The following ROCK1 variants were observed in gnomAD, a reference collection of about 807,000 sequenced individuals.
ROCK1 encodes the protein Rho associated coiled-coil containing protein kinase 1.
Under a neutral mutation model 196.8 loss-of-function variants are expected in ROCK1, and 36 were observed. The observed-to-expected ratio is 0.18, with a 90% confidence interval of 0.14 to 0.24. The LOEUF (loss-of-function observed/expected upper bound fraction) is 0.24. Ranked by LOEUF, ROCK1 falls within the 10% of genes least tolerant of loss-of-function variation. ROCK1 has a pLI of 1.00. For missense variants in ROCK1, 920 were observed against 1,562.0 expected (o/e 0.59, Z 6.93); for synonymous variants, 443 against 515.9 (o/e 0.86, Z 1.91).
intron 8 of ROCK1, among the ~76,000 whole-genome samples, chr18:21,040,114 C>T (rs567298657): frequency 6.6e-6 from 1 of 152,264 alleles, no homozygotes; most frequent in Non-Finnish European, 1.5e-5. Context: ...TTTCTACTGA[C>T]AACAAAAATC....
chr18:21,069,827 C>T (rs1452993406), intron 2 of ROCK1, among the ~76,000 whole-genome samples: 1 of 151,864 alleles, frequency 6.6e-6, no homozygotes, highest in African/African-American at 2.4e-5. Context: ...CAGAATCTGG[C>T]ACCATATTCA....
intron 29 of ROCK1, among the ~76,000 whole-genome samples, chr18:20,957,595 C>T (rs1568366515): frequency 6.6e-6 from 1 of 152,116 alleles, no homozygotes; most frequent in Admixed American, 6.5e-5. Flanking sequence ...ATTCTCCTGC[C>T]TCAGCCTCCC....
intron 1 of ROCK1, among the ~76,000 whole-genome samples, chr18:21,089,623 T>C (rs1467409395): frequency 1.3e-5 from 2 of 152,198 alleles, no homozygotes; most frequent in East Asian, 3.9e-4. Flanking sequence ...ATGCATTTAA[T>C]ACATCTAATC....
At position 21,107,657 on chromosome 18, in the gene ROCK1, G is replaced by A. The variant is rs539762708; in HGVS notation, c.93+3161C>T. Among the ~76,000 whole-genome samples the A allele has an allele frequency of 2.6e-5, 4 of 152,298 alleles. No homozygotes were observed. The South Asian group carries it at 8.3e-4, about 32-fold the overall frequency. ...GGTCACCCTGAATGACACAATGAAT[G>A]AATGAACGAACGAATGCTCAATGTT... On this transcript the variant is annotated intron_variant, in intron 1 of 32. Transcript: ENST00000399799.
chr18:21,014,540 C>T (rs73959774), intron 13 of ROCK1, among the ~76,000 whole-genome samples: 1,531 of 152,298 alleles, frequency 0.01, 31 homozygotes, highest in African/African-American at 0.035. Context: ...AAATCTAGCA[C>T]ATCTGAATTT....
chr18:21,094,200 G>GA (rs2036594126), intron 1 of ROCK1, among the ~76,000 whole-genome samples: 1 of 152,178 alleles, frequency 6.6e-6, no homozygotes, highest in Non-Finnish European at 1.5e-5. Context: ...AGAACACAGA[G>GA]AATGAGCCTT....
intron 1 of ROCK1, among the ~76,000 whole-genome samples, chr18:21,084,361 C>T (rs886696173): frequency 5.3e-5 from 8 of 150,832 alleles, no homozygotes; most frequent in African/African-American, 1.9e-4. Flanking sequence ...AAAATATTTG[C>T]AAATAATATA....
chr18:20,976,309 G>A (rs1377326770), intron 22 of ROCK1, among the ~76,000 whole-genome samples: 8 of 152,088 alleles, frequency 5.3e-5, no homozygotes, highest in South Asian at 2.1e-4. Flanking sequence ...AGATTATAAA[G>A]AGTGGCTTTG....
chr18:21,069,864 T>A (rs938985707), intron 2 of ROCK1, among the ~76,000 whole-genome samples: 33 of 152,028 alleles, frequency 2.2e-4, no homozygotes, highest in Admixed American at 5.2e-4. Context: ...AATAATTTTT[T>A]AAAAATTGAA....
At chr18:21,062,879 A>G (rs150479028) in intron 2 of ROCK1, among the ~76,000 whole-genome samples, 2 of 152,262 alleles carry the variant, frequency 1.3e-5, no homozygotes, top group East Asian at 3.9e-4. Context: ...GAGCTCATAT[A>G]TAACAAGTAC....
intron 14 of ROCK1, 100 bp downstream of exon 14, chr18:21,007,959 A>T: frequency 1.3e-6 from 1 of 761,802 alleles, no homozygotes; most frequent in Non-Finnish European, 1.9e-6. Flanking sequence ...AAAGTGTCTT[A>T]GGATTGTAGC....
At chr18:21,070,305 T>C (rs1179476668) in intron 2 of ROCK1, among the ~76,000 whole-genome samples, 1 of 152,146 alleles carries the variant, frequency 6.6e-6, no homozygotes, top group African/African-American at 2.4e-5. Flanking sequence ...ATGCACAGTT[T>C]TTTGAATACT....
chr18:21,106,861 G>C (rs2143609858), intron 1 of ROCK1, among the ~76,000 whole-genome samples: 1 of 152,308 alleles, frequency 6.6e-6, no homozygotes, highest in African/African-American at 2.4e-5. Flanking sequence ...TTCGAGAAAA[G>C]ATTGGATAGC....
At chr18:20,972,569 G>A (rs1478267229) in intron 22 of ROCK1, among the ~76,000 whole-genome samples, 2 of 152,180 alleles carry the variant, frequency 1.3e-5, no homozygotes, top group Non-Finnish European at 2.9e-5. Context: ...AACAAAGGAG[G>A]CTGAGAAAGA....
At chr18:21,044,291 G>A (rs1468579534) in intron 5 of ROCK1, 105 bp from the exon 6 acceptor site, 3 of 729,984 alleles carry the variant, frequency 4.1e-6, no homozygotes, top group Non-Finnish European at 6.9e-6. Flanking sequence ...TCTAGGTAAG[G>A]CCATCTTTGA....
At chr18:20,970,302 G>A (rs948398199) in intron 23 of ROCK1, 46 bp downstream of exon 23, 3 of 1,465,504 alleles carry the variant, frequency 2.0e-6, no homozygotes, top group African/African-American at 1.4e-5. Context: ...GTGACCTATT[G>A]TGATTTAAAT....
At chr18:21,035,927 C>T (rs2036053233) in intron 9 of ROCK1, among the ~76,000 whole-genome samples, 1 of 152,088 alleles carries the variant, frequency 6.6e-6, no homozygotes, top group South Asian at 2.1e-4. Flanking sequence ...TGGAGAGTTA[C>T]TATTTAAGAG....
chr18:21,044,314 CT>C, intron 5 of ROCK1, 128 bp from the exon 6 acceptor site: 2 of 527,092 alleles, frequency 3.8e-6, no homozygotes, highest in Non-Finnish European at 6.7e-6. Context: ...TGTATGTGTT[CT>C]CTATCCACAT....
At chr18:21,002,732 T>C (rs1035801405) in intron 16 of ROCK1, among the ~76,000 whole-genome samples, 1 of 152,096 alleles carries the variant, frequency 6.6e-6, no homozygotes, top group Admixed American at 6.6e-5. Context: ...CTTTATGTTT[T>C]TTCATTCGTT....
Sources: allele counts gnomAD v4.1 joint callset (sites outside exome capture counted in the v4.1 genomes callset), GRCh38; gene constraint gnomAD v4.1.1; transcripts MANE v1.5; gene names NCBI Gene and HGNC (gene_info 2026-07-23, HGNC 2026-07-21).